FARS2: variants seen among roughly 807,000 people sequenced by gnomAD.
FARS2 encodes the protein phenylalanine--tRNA ligase, mitochondrial.
In FARS2, 40 loss-of-function variants were observed where a neutral mutation model predicts 46.4. That is an observed-to-expected ratio of 0.86 (90% CI 0.67 to 1.12). FARS2 has a LOEUF of 1.12. FARS2 is among the 50% of genes most tolerant of loss of function. The pLI is 0.00. For missense variants in FARS2, 513 were observed against 567.9 expected (o/e 0.90, Z 0.98); for synonymous variants, 234 against 214.9 (o/e 1.09, Z -0.78).
intron 5 of FARS2, among the ~76,000 whole-genome samples, chr6:5,588,036 G>A (rs773855246): frequency 7.2e-5 from 11 of 152,116 alleles, no homozygotes; most frequent in Admixed American, 3.3e-4. Context: ...TGGGCTAGTG[G>A]TCCTTTCTGG....
intron 6 of FARS2, among the ~76,000 whole-genome samples, chr6:5,661,493 T>C (rs944632532): frequency 6.6e-6 from 1 of 152,134 alleles, no homozygotes; most frequent in Non-Finnish European, 1.5e-5. Context: ...GGTGGCCAGA[T>C]AGAGGAGAGC....
intron 3 of FARS2, 100 bp downstream of exon 3, chr6:5,404,801 TC>T: frequency 1.1e-6 from 1 of 872,798 alleles, no homozygotes; most frequent in Non-Finnish European, 1.6e-6. Flanking sequence ...ATTTTGAAAT[TC>T]TTTTTTTTTT....
chr6:5,588,637 A>G (rs1194233165), intron 5 of FARS2, among the ~76,000 whole-genome samples: 8 of 152,226 alleles, frequency 5.3e-5, no homozygotes, highest in South Asian at 2.1e-4. Flanking sequence ...TGTTCAACCA[A>G]TGGGTTCCAC....
chr6:5,640,260 A>AC (rs1776749733), intron 6 of FARS2, among the ~76,000 whole-genome samples: 1 of 152,214 alleles, frequency 6.6e-6, no homozygotes. Context: ...GTCCCGTATT[A>AC]TGTACTGGTA....
chr6:5,583,116 G>C lies in FARS2; in HGVS notation c.1066-30053G>C, dbSNP rs558946395. On this transcript the variant is annotated intron_variant, in intron 5 of 6. Coordinates refer to ENST00000274680, the MANE Select transcript of FARS2 (RefSeq NM_006567.5). ...CAGTCAATGGATAAGTGGTCCCTGTGTCCAATACATAATTCTCATGCTTAA... is the reference window on the plus strand; with the variant it reads ...CAGTCAATGGATAAGTGGTCCCTGTCTCCAATACATAATTCTCATGCTTAA... 1.1e-3 allele frequency among the ~76,000 whole-genome samples: 173 copies of C among 152,274 alleles called. 1 individual carries two copies. The highest frequency in any genetic ancestry group is 3.9e-3 in the African/African-American group (163 of 41,554).
intron 1 of FARS2, among the ~76,000 whole-genome samples, chr6:5,314,710 C>T (rs185389231): frequency 3.9e-4 from 60 of 152,244 alleles, no homozygotes; most frequent in African/African-American, 1.3e-3. Context: ...CACTTGTGAC[C>T]CATGCAGGTC....
At chr6:5,576,692 A>G (rs181839273) in intron 5 of FARS2, among the ~76,000 whole-genome samples, 9 of 150,040 alleles carry the variant, frequency 6.0e-5, no homozygotes, top group African/African-American at 2.2e-4. Flanking sequence ...AGTAATTGAC[A>G]TTCTTTTATA....
At chr6:5,646,968 G>C (rs796443142) in intron 6 of FARS2, among the ~76,000 whole-genome samples, 26 of 152,224 alleles carry the variant, frequency 1.7e-4, no homozygotes, top group African/African-American at 6.3e-4. Flanking sequence ...AGAATATCTA[G>C]TAAGGTGAGA....
intron 1 of FARS2, among the ~76,000 whole-genome samples, chr6:5,331,804 G>C (rs1285093783): frequency 7.2e-5 from 11 of 152,160 alleles, no homozygotes. Flanking sequence ...CACCTCTATA[G>C]TCGCTGGTCT....
intron 6 of FARS2, among the ~76,000 whole-genome samples, chr6:5,729,896 G>A (rs748954150): frequency 1.3e-5 from 2 of 152,168 alleles, no homozygotes; most frequent in Non-Finnish European, 2.9e-5. Context: ...TATCATGGGG[G>A]CTGACCTGGG....
the FARS2 span, among the ~76,000 whole-genome samples, chr6:5,255,055 T>C: frequency 6.6e-6 from 1 of 152,126 alleles, no homozygotes; most frequent in Non-Finnish European, 1.5e-5. Context: ...TGGATATTGC[T>C]TAGACAAGCC....
At chr6:5,432,514 A>C (rs1763280293) in intron 4 of FARS2, among the ~76,000 whole-genome samples, 1 of 65,586 alleles carries the variant, frequency 1.5e-5, no homozygotes, top group Non-Finnish European at 2.5e-5. Flanking sequence ...TTATATCCCA[A>C]TCATATATAT....
chr6:5,490,587 G>C (rs559645933), intron 4 of FARS2, among the ~76,000 whole-genome samples: 5 of 152,270 alleles, frequency 3.3e-5, no homozygotes, highest in Middle Eastern at 3.4e-3. Context: ...CCCATATTTT[G>C]TCAGCATGGG....
At chr6:5,673,065 C>T (rs1778561655) in intron 6 of FARS2, among the ~76,000 whole-genome samples, 1 of 152,194 alleles carries the variant, frequency 6.6e-6, no homozygotes, top group African/African-American at 2.4e-5. Flanking sequence ...AGTCTACCAA[C>T]CAAGAGCCCC....
In FARS2 at chr6:5,568,944, G is replaced by T. The variant is rs1772476103; in HGVS notation, c.1065+23604G>T. On this transcript the variant is annotated intron_variant, in intron 5 of 6. Transcript: ENST00000274680. ...TAGGAGAAAACATTGAAAGATCTTG[G>T]ATCCTTATGTGAGGCAGAGGCAGAG... 3.9e-5 allele frequency among the ~76,000 whole-genome samples: 6 copies of T among 152,084 alleles called. No individual in the cohort carries two copies. In the South Asian group the frequency reaches 1.2e-3, roughly 32 times the overall value.
At chr6:5,553,261 G>A (rs2875998) in intron 5 of FARS2, among the ~76,000 whole-genome samples, 106,506 of 152,052 alleles carry the variant, frequency 0.7, 37,879 homozygotes, top group Middle Eastern at 0.86. Context: ...AGTAGATGAG[G>A]ATGGATGGGT....
upstream of FARS2, chr6:5,260,776 C>T (rs1388997351): frequency 6.5e-7 from 1 of 1,536,962 alleles, no homozygotes; most frequent in Admixed American, 2.0e-5. Flanking sequence ...TCGCCGAGGT[C>T]CCAAGTACGA....
intron 4 of FARS2, chr6:5,466,422 T>C (rs4099443): frequency 0.019 from 12,638 of 651,100 alleles, 153 homozygotes; most frequent in Non-Finnish European, 0.022. Context: ...CTGAGCTCCT[T>C]AAAGGCAAGA....
the FARS2 span, among the ~76,000 whole-genome samples, chr6:5,256,001 A>T: frequency 6.6e-6 from 1 of 151,898 alleles, no homozygotes; most frequent in South Asian, 2.1e-4. Flanking sequence ...TAAGTACTTG[A>T]TGTGTATTAA....
Sources: gnomAD v4.1 joint callset for allele counts (sites outside exome capture counted in the v4.1 genomes callset) on GRCh38, gnomAD v4.1.1 for gene constraint, MANE v1.5 for transcripts, NCBI Gene and HGNC (gene_info 2026-07-23, HGNC 2026-07-21) for gene names.